HSD17B12: variants seen among roughly 807,000 people sequenced by gnomAD.
HSD17B12 encodes the protein hydroxysteroid 17-beta dehydrogenase 12, also known as very-long-chain 3-oxoacyl-CoA reductase.
Under a neutral mutation model 39.3 loss-of-function variants are expected in HSD17B12, and 32 were observed. That is an observed-to-expected ratio of 0.81 (90% confidence interval 0.61 to 1.09). HSD17B12 has a LOEUF of 1.09. Ranked by LOEUF, HSD17B12 falls within the 50% of genes least tolerant of loss-of-function variation. HSD17B12 has a pLI of 0.00. For synonymous variants in HSD17B12, 150 were observed against 146.7 expected, an observed-to-expected ratio of 1.02 and a Z score of -0.16; for missense variants, 342 against 382.9, an observed-to-expected ratio of 0.89 and a Z score of 0.89.
chr11:43,740,063 ATG>A (rs1735954614), intron 1 of HSD17B12, among the ~76,000 whole-genome samples: 1 of 152,206 alleles, frequency 6.6e-6, no homozygotes, highest in Admixed American at 6.5e-5. Flanking sequence ...TGGGAGATGA[ATG>A]ATGGTAGCTC....
chr11:43,652,039 T>C, the HSD17B12 span, among the ~76,000 whole-genome samples: 2 of 152,206 alleles, frequency 1.3e-5, no homozygotes, highest in African/African-American at 4.8e-5. Flanking sequence ...GAAGACTCAA[T>C]GTTGTTAAAA....
the HSD17B12 span, among the ~76,000 whole-genome samples, chr11:43,656,559 C>A: frequency 1.3e-5 from 2 of 151,730 alleles, no homozygotes; most frequent in African/African-American, 4.9e-5. Flanking sequence ...TTTCCCTCTA[C>A]ACACTGCTTT....
chr11:43,746,487 A>C (rs1053485977), intron 1 of HSD17B12, among the ~76,000 whole-genome samples: 1 of 152,146 alleles, frequency 6.6e-6, no homozygotes, highest in Admixed American at 6.5e-5. Context: ...ATTTTGTCCC[A>C]TTGGAAGGTC....
chr11:43,836,818 A>G (rs11037664), intron 7 of HSD17B12, among the ~76,000 whole-genome samples: 4,830 of 152,178 alleles, frequency 0.032, 280 homozygotes, highest in African/African-American at 0.11. Flanking sequence ...TTGGGTTCTA[A>G]CTCCTGATAC....
At chr11:43,619,204 TATATATATAAAATATATATATATG>T in the HSD17B12 span, among the ~76,000 whole-genome samples, 9 of 52,058 alleles carry the variant, frequency 1.7e-4, no homozygotes, top group African/African-American at 3.3e-4. Context: ...ATATGATATA[TATATATATAAAATATATATATATG>T]ATATATATAT....
the HSD17B12 span, among the ~76,000 whole-genome samples, chr11:43,621,129 G>A: frequency 6.6e-6 from 1 of 152,150 alleles, no homozygotes; most frequent in Non-Finnish European, 1.5e-5. Flanking sequence ...TGGCTGCATG[G>A]GCCAACCAGA....
At chr11:43,693,429 A>G (rs1949881163) in intron 1 of HSD17B12, among the ~76,000 whole-genome samples, 2 of 152,146 alleles carry the variant, frequency 1.3e-5, no homozygotes, top group African/African-American at 4.8e-5. Flanking sequence ...AAGAAATGAT[A>G]TGTACCTTTT....
At chr11:43,757,293 GC>G (rs1456629554) in intron 3 of HSD17B12, among the ~76,000 whole-genome samples, 1 of 152,152 alleles carries the variant, frequency 6.6e-6, no homozygotes, top group African/African-American at 2.4e-5. Flanking sequence ...GAACAAGGTG[GC>G]ATGCAGTCCC....
At chr11:43,802,775 A>G (rs1176127500) in intron 4 of HSD17B12, among the ~76,000 whole-genome samples, 3 of 152,230 alleles carry the variant, frequency 2.0e-5, no homozygotes, top group African/African-American at 7.2e-5. Context: ...TTCCACAGCA[A>G]AGAATGATCC....
At chr11:43,610,885 G>T in the HSD17B12 span, among the ~76,000 whole-genome samples, 2 of 152,202 alleles carry the variant, frequency 1.3e-5, no homozygotes, top group African/African-American at 4.8e-5. Flanking sequence ...GAATATATCA[G>T]ATCTTCAAGA....
chr11:43,846,659 T>C (rs888583683), intron 9 of HSD17B12, among the ~76,000 whole-genome samples: 3 of 152,118 alleles, frequency 2.0e-5, no homozygotes, highest in African/African-American at 7.2e-5. Flanking sequence ...AACAAGACTT[T>C]GTCTCAAAAA....
chr11:43,676,436 T>C (rs1949695701), upstream of HSD17B12, among the ~76,000 whole-genome samples: 1 of 151,972 alleles, frequency 6.6e-6, no homozygotes, highest in African/African-American at 2.4e-5. Flanking sequence ...CTGGATAAAA[T>C]CATATATTAG....
intron 4 of HSD17B12, among the ~76,000 whole-genome samples, chr11:43,801,024 A>G (rs1950961960): frequency 2.6e-5 from 4 of 152,256 alleles, no homozygotes; most frequent in Admixed American, 2.6e-4. Context: ...CTGTAGTCCC[A>G]GCTACTCAGG....
chr11:43,647,537 G>A, the HSD17B12 span, among the ~76,000 whole-genome samples: 1 of 151,064 alleles, frequency 6.6e-6, no homozygotes, highest in African/African-American at 2.4e-5. Flanking sequence ...CTCCCAAAGG[G>A]CTGAGATTAC....
the HSD17B12 span, among the ~76,000 whole-genome samples, chr11:43,655,106 G>A: frequency 6.6e-6 from 1 of 152,102 alleles, no homozygotes; most frequent in African/African-American, 2.4e-5. Context: ...AGTTCTCCTT[G>A]AAGAGGTCCT....
At chr11:43,669,426 G>A in the HSD17B12 span, among the ~76,000 whole-genome samples, 3 of 152,050 alleles carry the variant, frequency 2.0e-5, no homozygotes, top group Non-Finnish European at 4.4e-5. Flanking sequence ...ACTTGGACCT[G>A]GGAGGCGGAG....
chr11:43,815,320 ACAG>A (rs1951111811), intron 4 of HSD17B12, 114 bp from the exon 5 acceptor site: 2 of 485,394 alleles, frequency 4.1e-6, no homozygotes, highest in Non-Finnish European at 7.2e-6. Flanking sequence ...CTAGCCATAA[ACAG>A]CATTTTATAT....
At chr11:43,770,355 C>G (rs758059786) in intron 3 of HSD17B12, among the ~76,000 whole-genome samples, 12 of 152,174 alleles carry the variant, frequency 7.9e-5, no homozygotes, top group Non-Finnish European at 1.8e-4. Context: ...GTTAGCCCAG[C>G]CCACTCATAT....
chr11:43,772,891 G>A (rs939255083), intron 3 of HSD17B12, among the ~76,000 whole-genome samples: 11 of 152,086 alleles, frequency 7.2e-5, no homozygotes, highest in African/African-American at 1.9e-4. Flanking sequence ...TAGGTAGATC[G>A]CTTGAGCCCA....
Sources: allele counts gnomAD v4.1 joint callset (sites outside exome capture counted in the v4.1 genomes callset), GRCh38; gene constraint gnomAD v4.1.1; transcripts MANE v1.5; gene names NCBI Gene and HGNC (gene_info 2026-07-23, HGNC 2026-07-21).